DOCK3: variants seen among roughly 807,000 people sequenced by gnomAD.
DOCK3 encodes the protein dedicator of cytokinesis protein 3.
DOCK3 carries 60 observed loss-of-function variants against 265.6 expected under a neutral mutation model. That is an observed-to-expected ratio of 0.23 (90% CI 0.18 to 0.28). The LOEUF (loss-of-function observed/expected upper bound fraction) is 0.28. Ranked by LOEUF, DOCK3 falls within the 10% of genes least tolerant of loss-of-function variation. DOCK3 has a pLI of 1.00. For synonymous variants in DOCK3, 881 were observed against 938.0 expected (o/e 0.94, Z 1.11); for missense variants, 1,981 against 2,594.3 (o/e 0.76, Z 5.14).
chr3:51,261,696 T>C (rs1477501698), intron 23 of DOCK3, among the ~76,000 whole-genome samples: 5 of 152,174 alleles, frequency 3.3e-5, no homozygotes, highest in African/African-American at 9.7e-5. Context: ...AGCAGTCTGA[T>C]GTCGATCTGG....
At chr3:51,151,632 A>G (rs2085601259) in intron 10 of DOCK3, among the ~76,000 whole-genome samples, 2 of 152,192 alleles carry the variant, frequency 1.3e-5, no homozygotes, top group African/African-American at 2.4e-5. Context: ...AGTGGCTGGT[A>G]CCAGTTGTTC....
chr3:50,904,979 T>C lies in DOCK3; in HGVS notation c.218+14898T>C, dbSNP rs957876588. Among the ~76,000 whole-genome samples, 40 of 152,264 alleles carry C rather than the reference T, an allele frequency of 2.6e-4. 1 individual carries two copies. The highest frequency in any genetic ancestry group is 8.9e-4 in the African/African-American group (37 of 41,518). ...GGATCCAGTTTCAGCTTTCTACATA[T>C]GGCTAGCCAGTTTTCCCAGAACCGT... On this transcript the variant is annotated intron_variant, in intron 4 of 52. Transcript: ENST00000266037.
chr3:51,173,060 T>A (rs2086766717), intron 12 of DOCK3, among the ~76,000 whole-genome samples: 1 of 152,236 alleles, frequency 6.6e-6, no homozygotes, highest in Non-Finnish European at 1.5e-5. Flanking sequence ...TATAAGTGAT[T>A]TATATCATCA....
At chr3:50,869,571 C>T (rs951385979) in intron 3 of DOCK3, among the ~76,000 whole-genome samples, 12 of 151,192 alleles carry the variant, frequency 7.9e-5, no homozygotes, top group Non-Finnish European at 1.3e-4. Flanking sequence ...GGGGTTTTGC[C>T]GTGTTGGCCA....
chr3:51,208,695 A>C lies in DOCK3; in HGVS notation c.1038-79A>C, dbSNP rs1264458780. The C allele has an allele frequency of 2.6e-6, 3 of 1,153,298 alleles. No homozygotes were observed. In the African/African-American group the frequency reaches 4.6e-5, roughly 18 times the overall value. The allele number at this position is 1,153,298 out of a possible 1,614,324, so 71.4% of individuals were successfully genotyped here. ...AAGTGAGGGATCCTTTTCCCTTTGA[A>C]CTTAAGTGTTACACATTGGAACATC... On this transcript the variant is annotated intron_variant, in intron 12 of 52. Coordinates refer to ENST00000266037, the MANE Select transcript of DOCK3 (RefSeq NM_004947.5).
intron 9 of DOCK3, among the ~76,000 whole-genome samples, chr3:51,130,028 G>A (rs955951940): frequency 3.9e-5 from 6 of 152,158 alleles, no homozygotes; most frequent in Admixed American, 2.0e-4. Context: ...GTTGTAGGAG[G>A]GTCCAAATGC....
intron 1 of DOCK3, among the ~76,000 whole-genome samples, chr3:50,769,243 A>G (rs2108456455): frequency 6.6e-6 from 1 of 152,060 alleles, no homozygotes. Context: ...TTTGTTAAAC[A>G]TTTCTGGTCT....
chr3:51,150,710 T>C (rs2085542333), intron 10 of DOCK3, among the ~76,000 whole-genome samples: 1 of 152,202 alleles, frequency 6.6e-6, no homozygotes, highest in African/African-American at 2.4e-5. Flanking sequence ...GACAGTTTAT[T>C]GTGATTTCTG....
intron 2 of DOCK3, among the ~76,000 whole-genome samples, chr3:50,834,647 GA>G (rs1449487606): frequency 6.6e-6 from 1 of 152,092 alleles, no homozygotes; most frequent in Non-Finnish European, 1.5e-5. Context: ...TTTGATTTTG[GA>G]AAGTTTGTCA....
rs769862803 is a variant in DOCK3 at position 50,675,231 on chromosome 3, CGCCGCGCCCGCGGG to C, written c.-22_-9del. On this transcript the variant is annotated 5_prime_UTR_variant, in exon 1 of 53. Transcript: ENST00000266037. The surrounding 1 kb of genome is among the most constrained non-coding windows in gnomAD (Gnocchi z 6.1). ...CGTCCCCGCCGCGTTGTCGCCCGGTCGCCGCGCCCGCGGGGCCGCGCCCGGCACGGCCATGTGGA... is the reference window on the plus strand; with the variant it reads ...CGTCCCCGCCGCGTTGTCGCCCGGTCGCCGCGCCCGGCACGGCCATGTGGA... 88 of 1,153,196 alleles carry C rather than the reference CGCCGCGCCCGCGGG, an allele frequency of 7.6e-5. 1 individual carries two copies. The Middle Eastern group carries it at 9.2e-4, about 12-fold the overall frequency. 71.4% of individuals were successfully genotyped at this position (1,153,196 alleles called of 1,614,324 possible).
chr3:51,246,407 A>G (rs868459770), intron 21 of DOCK3, among the ~76,000 whole-genome samples: 15 of 151,746 alleles, frequency 9.9e-5, no homozygotes, highest in Middle Eastern at 3.2e-3. Context: ...TAATTTTTCT[A>G]TTTTTTTGTA....
chr3:51,265,148 C>T (rs890182480), intron 23 of DOCK3, among the ~76,000 whole-genome samples: 9 of 152,092 alleles, frequency 5.9e-5, no homozygotes, highest in African/African-American at 2.2e-4. Context: ...CAAGACTAAA[C>T]CAGGAAGAAG....
intron 1 of DOCK3, among the ~76,000 whole-genome samples, chr3:50,692,386 A>G (rs139939753): frequency 6.6e-6 from 1 of 152,322 alleles, no homozygotes; most frequent in African/African-American, 2.4e-5. Flanking sequence ...ATCATCAGGT[A>G]TTAGATTCTC....
intron 51 of DOCK3, chr3:51,379,614 A>C: frequency 1.0e-6 from 1 of 985,466 alleles, no homozygotes; most frequent in Non-Finnish European, 1.2e-6. Flanking sequence ...CCCTGGTCTC[A>C]GACTCTGCTC....
chr3:50,832,318 T>A (rs900379341), intron 2 of DOCK3, among the ~76,000 whole-genome samples: 1 of 152,166 alleles, frequency 6.6e-6, no homozygotes, highest in African/African-American at 2.4e-5. Flanking sequence ...ACTTCATGAC[T>A]AAAACACCAA....
intron 27 of DOCK3, among the ~76,000 whole-genome samples, chr3:51,290,904 C>G (rs1191022098): frequency 6.6e-6 from 1 of 151,940 alleles, no homozygotes; most frequent in African/African-American, 2.4e-5. Flanking sequence ...GATGTGAAAC[C>G]CTGTCTCTAC....
intron 5 of DOCK3, among the ~76,000 whole-genome samples, chr3:50,939,404 CAAAATT>C (rs1194333542): frequency 6.6e-6 from 1 of 151,858 alleles, no homozygotes; most frequent in Non-Finnish European, 1.5e-5. Flanking sequence ...ACCTTGATAT[CAAAATT>C]AGACAAAGAC....
intron 22 of DOCK3, among the ~76,000 whole-genome samples, chr3:51,258,208 CAAACAAAA>C (rs2079652616): frequency 6.6e-6 from 1 of 152,082 alleles, no homozygotes; most frequent in Non-Finnish European, 1.5e-5. Context: ...ACTTAAAAAC[CAAACAAAA>C]AAACTTTTTA....
At chr3:51,164,941 T>A (rs957698463) in intron 12 of DOCK3, among the ~76,000 whole-genome samples, 2 of 3,580 alleles carry the variant, frequency 5.6e-4, no homozygotes, top group African/African-American at 2.1e-3. Flanking sequence ...TTTAGGAGCC[T>A]TTTTTTTTTT....
Sources: allele counts gnomAD v4.1 joint callset (sites outside exome capture counted in the v4.1 genomes callset), GRCh38; gene constraint gnomAD v4.1.1; non-coding constraint Gnocchi (gnomAD v3.1); transcripts MANE v1.5; gene names NCBI Gene and HGNC (gene_info 2026-07-23, HGNC 2026-07-21).